PTPN21: variants seen among roughly 807,000 people sequenced by gnomAD.
PTPN21 encodes tyrosine-protein phosphatase non-receptor type 21.
Under a neutral mutation model 131.8 loss-of-function variants are expected in PTPN21, and 77 were observed. The observed-to-expected ratio is 0.58, with a 90% CI of 0.49 to 0.71. The LOEUF is 0.71. PTPN21 is among the 30% of genes least tolerant of loss of function. The pLI, the probability that PTPN21 is intolerant of heterozygous loss-of-function variation, is 0.00. For synonymous variants in PTPN21, 715 were observed against 621.3 expected (o/e 1.15, Z -2.24); for missense variants, 1,552 against 1,527.1 (o/e 1.02, Z -0.27).
Position 88,480,007 on chromosome 14 carries a change from A to T in PTPN21, c.1424T>A (p.Leu475His). The T allele has an allele frequency of 6.2e-7, 1 of 1,613,170 alleles. No homozygotes were observed. Among genetic ancestry groups the T allele is most frequent in the Non-Finnish European group, 8.5e-7 (1 of 1,180,016 alleles). The stretch of plus-strand genomic sequence containing the variant: ...GTAGGCGTACGAGCTGCCGATGTTG[A>T]GGTTTCGCAGCGAGTGGCTCTGCCG... ...AERQSHSLRN[L>H]NIGSSYAYSR... The change falls in exon 13 of 19, where the codon CTC becomes CAC. Residue 475 changes from leucine to histidine, a missense_variant. This residue lies in a region of PTPN21 where 1,016 missense variants were observed against 883.5 expected (regional missense o/e 1.15). Transcript: ENST00000556564.
At chr14:88,534,465 A>G (rs1055029164) in intron 2 of PTPN21, among the ~76,000 whole-genome samples, 4 of 152,174 alleles carry the variant, frequency 2.6e-5, no homozygotes, top group Admixed American at 2.6e-4. Flanking sequence ...GGATATAGAT[A>G]TTTTTGTATA....
intron 2 of PTPN21, among the ~76,000 whole-genome samples, chr14:88,535,445 T>C (rs2078616476): frequency 6.6e-6 from 1 of 152,160 alleles, no homozygotes; most frequent in Non-Finnish European, 1.5e-5. Flanking sequence ...GGCCTTTGAG[T>C]CCTGACTTTA....
At chr14:88,545,923 C>T (rs1359397146) in intron 2 of PTPN21, among the ~76,000 whole-genome samples, 3 of 146,490 alleles carry the variant, frequency 2.0e-5, no homozygotes, top group African/African-American at 7.8e-5. Flanking sequence ...ACCTGGGAGA[C>T]GGAGGTTGCA....
At position 88,479,850 on chromosome 14, in the gene PTPN21, A is replaced by C. The variant is rs754882295; in HGVS notation, c.1581T>G (p.Pro527=). Residue 527 remains proline (P), a synonymous_variant, in exon 13 of 19, where the codon CCT becomes CCG. Coordinates refer to ENST00000556564, the MANE Select transcript of PTPN21 (RefSeq NM_007039.4). ...CGCCCACCACGGGCCGCCGCTCGGC[A>C]GGGTAGGGGTAGGGAGACGGGCTGT... ...SFHSPSPYPY[P]AERRPVVGAV... is the part of the protein sequence containing the mutation. 1.9e-5 allele frequency: 30 copies of C among 1,559,306 alleles called. No homozygotes were observed. The Admixed American group carries it at 4.9e-4, about 26-fold the overall frequency.
At chr14:88,472,527 T>C (rs2077487820) in intron 14 of PTPN21, 62 bp from the exon 15 acceptor site, 3 of 1,032,554 alleles carry the variant, frequency 2.9e-6, no homozygotes, top group Non-Finnish European at 4.4e-6. Context: ...ACCTTTTGAC[T>C]GTATATTTGA....
chr14:88,474,633 G>C (rs961296808), intron 13 of PTPN21, among the ~76,000 whole-genome samples: 2 of 151,942 alleles, frequency 1.3e-5, no homozygotes, highest in Admixed American at 6.6e-5. Context: ...GTTAGATCAC[G>C]CTACCTCTCA....
At chr14:88,485,951 G>T in intron 10 of PTPN21, 109 bp from the exon 11 acceptor site, 1 of 684,652 alleles carries the variant, frequency 1.5e-6, no homozygotes, top group Non-Finnish European at 2.4e-6. Context: ...CAAAAAAAAA[G>T]ACAAGCTATC....
rs201610603 is a variant in PTPN21, at chr14:88,469,531, T to C, written c.3203A>G (p.His1068Arg). The part of the protein sequence containing the change: ...WHLQYTDWPE[H>R]GCPEDLKGFL... The stretch of plus-strand genomic sequence containing the variant: ...TCCCTTGAGGTCTTCTGGACAGCCA[T>C]GTTCAGGCCAGTCTGTGTATTGGAG... The change falls in exon 17 of 19, where the codon CAT becomes CGT. Residue 1068 changes from histidine to arginine, a missense_variant. Coordinates refer to ENST00000556564, the MANE Select transcript of PTPN21 (RefSeq NM_007039.4). This position sits in a 1 kb window ranked among gnomAD's most constrained non-coding sequence, Gnocchi z 4.3. 20 of 1,614,028 alleles carry C rather than the reference T, an allele frequency of 1.2e-5. No individual in the cohort carries two copies. Among genetic ancestry groups the C allele is most frequent in the African/African-American group, 1.1e-4 (8 of 74,926 alleles).
rs538893002 is a variant in PTPN21, at chr14:88,532,867, A to G, written c.181-15606T>C. On this transcript the variant is annotated intron_variant, in intron 2 of 18. Coordinates refer to ENST00000556564, the MANE Select transcript of PTPN21 (RefSeq NM_007039.4). ...CTGGAGTTACTTACTAAAGAAACAA[A>G]TAACTCCAAACATTAATTAGTCATG... Among the ~76,000 whole-genome samples, 18 of 152,346 alleles carry G rather than the reference A, an allele frequency of 1.2e-4. No individual in the cohort carries two copies. The South Asian group carries it at 3.7e-3, about 32-fold the overall frequency.
chr14:88,538,634 C>A (rs2078662511), intron 2 of PTPN21, among the ~76,000 whole-genome samples: 1 of 152,190 alleles, frequency 6.6e-6, no homozygotes, highest in African/African-American at 2.4e-5. Context: ...AAACTACTGT[C>A]ACATTTAGGA....
chr14:88,508,488 C>T (rs1348969075), intron 3 of PTPN21, among the ~76,000 whole-genome samples: 1 of 152,114 alleles, frequency 6.6e-6, no homozygotes, highest in Non-Finnish European at 1.5e-5. Context: ...TCCTCAACCA[C>T]ATGACACTTA....
chr14:88,518,399 TATATATATATATATA>T (rs1360391557), intron 2 of PTPN21, among the ~76,000 whole-genome samples: 1 of 22,138 alleles, frequency 4.5e-5, no homozygotes, highest in African/African-American at 9.1e-5. Context: ...TATATATATA[TATATATATATATATA>T]TTTTTTTTTT....
rs187079995 is a variant in PTPN21 at position 88,535,658 on chromosome 14, G to A, written c.180+14580C>T. 2.0e-5 allele frequency among the ~76,000 whole-genome samples: 3 copies of A among 152,280 alleles called. No individual in the cohort carries two copies. The East Asian group carries it at 5.8e-4, about 29-fold the overall frequency. On this transcript the variant is annotated intron_variant, in intron 2 of 18. Coordinates refer to ENST00000556564, the MANE Select transcript of PTPN21 (RefSeq NM_007039.4). ...ATCTCTTCAGGTATGACAGAAAATA[G>A]AATAAAACTTGAATCAAGCATGCTT...
Position 88,468,961 on chromosome 14 carries a change from C to G in PTPN21, c.3351G>C (p.Val1117=). Residue 1117 remains valine, a synonymous_variant, in exon 18 of 19, where the codon GTG becomes GTC. Coordinates refer to ENST00000556564, the MANE Select transcript of PTPN21 (RefSeq NM_007039.4). ...HCSAGVGRTG[V]VILSEIMIAC... ...CGATCATGATCTCCGACAAAATCAC[C>G]ACGCCAGTCCTTCCTACCCCAGCAC... The G allele has an allele frequency of 5.6e-6, 9 of 1,614,168 alleles. No homozygotes were observed. Among genetic ancestry groups the G allele is most frequent in the African/African-American group, 1.3e-5 (1 of 75,046 alleles).
intron 2 of PTPN21, among the ~76,000 whole-genome samples, chr14:88,544,301 C>T (rs563704125): frequency 2.1e-4 from 32 of 152,028 alleles, no homozygotes; most frequent in Non-Finnish European, 4.0e-4. Context: ...GCCGAGATCG[C>T]GCCATTTGCA....
At chr14:88,498,495 T>G (rs1230003608) in intron 8 of PTPN21, among the ~76,000 whole-genome samples, 2 of 152,188 alleles carry the variant, frequency 1.3e-5, no homozygotes, top group Non-Finnish European at 2.9e-5. Context: ...GCCCCATTTA[T>G]TCATTCAACA....
intron 5 of PTPN21, 142 bp downstream of exon 5, chr14:88,505,162 T>G: frequency 1.7e-5 from 11 of 661,230 alleles, no homozygotes; most frequent in East Asian, 2.7e-5. Flanking sequence ...CAGTCACACT[T>G]GAGATGTTTA....
Position 88,544,729 on chromosome 14 carries a change from A to C in PTPN21, c.180+5509T>G, listed in dbSNP as rs530060406. Among the ~76,000 whole-genome samples the C allele has an allele frequency of 2.0e-4, 30 of 152,330 alleles. 1 individual carries two copies. Among genetic ancestry groups the C allele is most frequent in the South Asian group, 1.0e-3 (5 of 4,824 alleles). ...AGAGGCAGACAGGCACTGAAGCACCACTGAAGCACCGCGCAGAGGAAAAGG... is the reference window on the plus strand; with the variant it reads ...AGAGGCAGACAGGCACTGAAGCACCCCTGAAGCACCGCGCAGAGGAAAAGG... On this transcript the variant is annotated intron_variant, in intron 2 of 18. Transcript: ENST00000556564.
chr14:88,468,269 G>A lies in PTPN21; in HGVS notation c.3397-4C>T, dbSNP rs2077396504. The A allele has an allele frequency of 3.1e-6, 5 of 1,591,976 alleles. No homozygotes were observed. Among genetic ancestry groups the A allele is most frequent in the Non-Finnish European group, 4.3e-6 (5 of 1,170,698 alleles). Reference sequence around the variant, plus strand: ...GCACTCTCGGGATGTCCAGCACCTAGGTTGAGAGAAACGGTAATGAAGATA... The same window carrying A: ...GCACTCTCGGGATGTCCAGCACCTAAGTTGAGAGAAACGGTAATGAAGATA... On this transcript the variant is annotated splice_polypyrimidine_tract_variant and splice_region_variant and intron_variant, in intron 18 of 18. Coordinates refer to ENST00000556564, the MANE Select transcript of PTPN21 (RefSeq NM_007039.4).
Sources: gnomAD v4.1 joint callset for allele counts (sites outside exome capture counted in the v4.1 genomes callset) on GRCh38, gnomAD v4.1.1 for gene constraint, gnomAD v4.1.1 regional missense constraint, Gnocchi (gnomAD v3.1) non-coding constraint, MANE v1.5 for transcripts, NCBI Gene and HGNC (gene_info 2026-07-23, HGNC 2026-07-21) for gene names.